Variants in SLC13A3 observed in about 807,000 individuals in gnomAD.
SLC13A3 encodes Na(+)/dicarboxylate cotransporter 3.
Under a neutral mutation model 59.0 loss-of-function variants are expected in SLC13A3, and 40 were observed. That is an observed-to-expected ratio of 0.68 (90% confidence interval 0.53 to 0.88). The LOEUF (loss-of-function observed/expected upper bound fraction) is 0.88. Ranked by LOEUF, SLC13A3 falls within the 40% of genes least tolerant of loss-of-function variation. The pLI is 0.00. For missense variants in SLC13A3, 699 were observed against 783.2 expected (o/e 0.89, Z 1.28); for synonymous variants, 317 against 330.3 (o/e 0.96, Z 0.44).
At chr20:46,593,634 G>A (rs946697704) in intron 5 of SLC13A3, among the ~76,000 whole-genome samples, 1 of 152,072 alleles carries the variant, frequency 6.6e-6, no homozygotes, top group Non-Finnish European at 1.5e-5. Context: ...ATCAGCAAGT[G>A]TGTGGTCAGT....
intron 3 of SLC13A3, chr20:46,609,154 T>A: frequency 6.9e-7 from 1 of 1,445,464 alleles, no homozygotes; most frequent in Non-Finnish European, 9.1e-7. Flanking sequence ...TACAGTTATG[T>A]AAATTAAAAG....
chr20:46,584,880 CAT>C (rs60790909), intron 8 of SLC13A3, among the ~76,000 whole-genome samples: 14,286 of 152,186 alleles, frequency 0.094, 887 homozygotes, highest in Non-Finnish European at 0.14. Context: ...TTGATAGACA[CAT>C]GTTTAAAGAA....
At chr20:46,668,524 T>C (rs2063073452) in intron 1 of SLC13A3, among the ~76,000 whole-genome samples, 2 of 152,164 alleles carry the variant, frequency 1.3e-5, no homozygotes, top group Admixed American at 1.3e-4. Context: ...TGAAGTTAGC[T>C]GAGTTCATGA....
At chr20:46,567,921 T>C (rs1194092036) in intron 10 of SLC13A3, among the ~76,000 whole-genome samples, 1 of 152,140 alleles carries the variant, frequency 6.6e-6, no homozygotes, top group African/African-American at 2.4e-5. Context: ...AAGCTGTAGG[T>C]TTTGGAGCTG....
In SLC13A3 at chr20:46,566,395, G is replaced by C. The variant is rs552215071; in HGVS notation, c.1333-5C>G. On this transcript the variant is annotated splice_region_variant and splice_polypyrimidine_tract_variant and intron_variant, in intron 10 of 12. Transcript: ENST00000279027. Reference sequence around the variant, plus strand: ...CCATACAGACAGCCCCGATTCCTGCGGAGGGAAAGGCATTCCTTCATACCC... The same window carrying C: ...CCATACAGACAGCCCCGATTCCTGCCGAGGGAAAGGCATTCCTTCATACCC... 17 of 1,611,114 alleles carry C rather than the reference G, an allele frequency of 1.1e-5. No individual in the cohort carries two copies. The Admixed American group carries it at 2.3e-4, about 22-fold the overall frequency.
At chr20:46,579,971 C>CTT (rs369263062) in intron 9 of SLC13A3, among the ~76,000 whole-genome samples, 11 of 146,930 alleles carry the variant, frequency 7.5e-5, no homozygotes, top group African/African-American at 2.7e-4. Context: ...CTCATCACTA[C>CTT]TTTTTTTTTT....
intron 4 of SLC13A3, among the ~76,000 whole-genome samples, chr20:46,599,605 AT>A (rs58298193): frequency 1.3e-5 from 2 of 152,078 alleles, no homozygotes; most frequent in African/African-American, 4.8e-5. Context: ...TTTATAAGGA[AT>A]TTTTTTGTCT....
intron 1 of SLC13A3, among the ~76,000 whole-genome samples, chr20:46,665,508 T>C (rs1273538075): frequency 2.0e-5 from 3 of 152,238 alleles, no homozygotes; most frequent in African/African-American, 4.8e-5. Context: ...TGTGGTCCTT[T>C]TGTGTCTGGC....
intron 3 of SLC13A3, chr20:46,600,522 C>G (rs2062369853): frequency 2.7e-6 from 1 of 370,004 alleles, no homozygotes; most frequent in African/African-American, 2.1e-5. Context: ...AAGATGTGCC[C>G]AGGCCTGTTG....
chr20:46,624,647 C>T (rs1431531216), intron 1 of SLC13A3, among the ~76,000 whole-genome samples: 1 of 152,150 alleles, frequency 6.6e-6, no homozygotes, highest in Non-Finnish European at 1.5e-5. Context: ...ATCCCATGCA[C>T]TATTTGGGAT....
At chr20:46,658,165 G>A (rs954501220) in intron 1 of SLC13A3, among the ~76,000 whole-genome samples, 6 of 151,752 alleles carry the variant, frequency 4.0e-5, no homozygotes, top group African/African-American at 1.5e-4. Flanking sequence ...CTGGGTGGTA[G>A]TTACTTTGGA....
intron 1 of SLC13A3, among the ~76,000 whole-genome samples, chr20:46,628,832 C>T (rs2425882): frequency 0.55 from 83,597 of 152,140 alleles, 23,289 homozygotes; most frequent in East Asian, 0.76. Flanking sequence ...TGGAACATCT[C>T]CATCATCACA....
intron 1 of SLC13A3, among the ~76,000 whole-genome samples, chr20:46,614,129 G>T (rs2062531945): frequency 1.3e-5 from 2 of 152,212 alleles, no homozygotes. Context: ...AGCCAATCCA[G>T]AGAGTGTCCC....
At chr20:46,582,913 AT>A (rs778060598) in intron 9 of SLC13A3, 2 of 985,288 alleles carry the variant, frequency 2.0e-6, no homozygotes, top group Non-Finnish European at 2.4e-6. Context: ...AGTCTACAAC[AT>A]TTTGGTTAGA....
At chr20:46,614,514 G>C (rs540009163) in intron 1 of SLC13A3, among the ~76,000 whole-genome samples, 2 of 152,318 alleles carry the variant, frequency 1.3e-5, no homozygotes, top group Admixed American at 6.5e-5. Flanking sequence ...AGCACCAGTG[G>C]GGGTGTGGAG....
chr20:46,595,230 A>T (rs2030303396), intron 5 of SLC13A3, among the ~76,000 whole-genome samples: 4 of 152,248 alleles, frequency 2.6e-5, no homozygotes, highest in Admixed American at 2.6e-4. Flanking sequence ...AGAATCTTGA[A>T]ATACTGAAGT....
chr20:46,610,329 C>G, intron 3 of SLC13A3, 117 bp downstream of exon 3: 1 of 903,586 alleles, frequency 1.1e-6, no homozygotes, highest in Non-Finnish European at 1.7e-6. Flanking sequence ...ACACCTGACG[C>G]ATAGTAGGTG....
At chr20:46,649,500 T>A (rs1272804392) in intron 1 of SLC13A3, among the ~76,000 whole-genome samples, 1 of 152,188 alleles carries the variant, frequency 6.6e-6, no homozygotes, top group African/African-American at 2.4e-5. Context: ...ACTGAGAGAA[T>A]AGAGACCTTG....
chr20:46,604,411 T>C (rs1037851256), intron 3 of SLC13A3, among the ~76,000 whole-genome samples: 10 of 152,194 alleles, frequency 6.6e-5, no homozygotes, highest in African/African-American at 2.4e-4. Context: ...CTGGGGTCTT[T>C]GGTGAAGGCC....
Sources: allele counts gnomAD v4.1 joint callset (sites outside exome capture counted in the v4.1 genomes callset), GRCh38; gene constraint gnomAD v4.1.1; transcripts MANE v1.5; gene names NCBI Gene and HGNC (gene_info 2026-07-23, HGNC 2026-07-21).